MAPK8: variants seen among roughly 807,000 people sequenced by gnomAD.
MAPK8 encodes the protein mitogen-activated protein kinase 8.
Under a neutral mutation model 52.9 loss-of-function variants are expected in MAPK8, and 13 were observed. The ratio of observed to expected loss-of-function variants is 0.25; its 90% CI spans 0.16 to 0.39. The LOEUF is 0.39. MAPK8 is among the 10% of genes least tolerant of loss of function. MAPK8 has a pLI of 1.00. For missense variants in MAPK8, 300 were observed against 519.2 expected, an observed-to-expected ratio of 0.58 and a Z score of 4.10; for synonymous variants, 191 against 169.8, an observed-to-expected ratio of 1.12 and a Z score of -0.97.
chr10:48,368,580 G>A (rs1284861407), intron 1 of MAPK8, among the ~76,000 whole-genome samples: 1 of 152,190 alleles, frequency 6.6e-6, no homozygotes, highest in Non-Finnish European at 1.5e-5. Flanking sequence ...CTAGTTCTTG[G>A]TCCACAACCC....
At chr10:48,370,338 CTTAA>C (rs1848431021) in intron 1 of MAPK8, among the ~76,000 whole-genome samples, 1 of 151,800 alleles carries the variant, frequency 6.6e-6, no homozygotes, top group Non-Finnish European at 1.5e-5. Flanking sequence ...TTTTCACTAG[CTTAA>C]TTAGAGGTCT....
intron 1 of MAPK8, among the ~76,000 whole-genome samples, chr10:48,346,579 G>GTTTA (rs1305029956): frequency 6.6e-6 from 1 of 152,144 alleles, no homozygotes; most frequent in Non-Finnish European, 1.5e-5. Context: ...CCCCGGGGGA[G>GTTTA]TTTAGAGAAG....
chr10:48,356,189 G>A (rs1390793828), intron 1 of MAPK8, among the ~76,000 whole-genome samples: 4 of 152,062 alleles, frequency 2.6e-5, no homozygotes, highest in Non-Finnish European at 2.9e-5. Flanking sequence ...CATTTTCATA[G>A]GCTTTAAAGC....
chr10:48,311,512 C>T (rs890138630), intron 1 of MAPK8, among the ~76,000 whole-genome samples: 2 of 152,140 alleles, frequency 1.3e-5, no homozygotes, highest in Non-Finnish European at 2.9e-5. Flanking sequence ...CCTAAGCTTT[C>T]CTAGGTTTGT....
At chr10:48,329,465 A>G (rs143776514) in intron 1 of MAPK8, among the ~76,000 whole-genome samples, 4 of 152,214 alleles carry the variant, frequency 2.6e-5, no homozygotes, top group East Asian at 3.9e-4. Flanking sequence ...CCATGAGACA[A>G]CGTTATCTTG....
rs532551220 is a variant in MAPK8, at chr10:48,325,497, T to A, written c.-50+18676T>A. Among the ~76,000 whole-genome samples, 35 of 152,358 alleles carry A rather than the reference T, an allele frequency of 2.3e-4. No homozygotes were observed. The South Asian group carries it at 5.6e-3, about 24-fold the overall frequency. Reference sequence around the variant, plus strand: ...TTTGTTTTTTTCAGAAGTTTTATGATCATTTCAGTCATTCTTTTTAAAATA... The same window carrying A: ...TTTGTTTTTTTCAGAAGTTTTATGAACATTTCAGTCATTCTTTTTAAAATA... On this transcript the variant is annotated intron_variant, in intron 1 of 11. Transcript: ENST00000374189.
chr10:48,346,322 A>G (rs966406591), intron 1 of MAPK8, among the ~76,000 whole-genome samples: 2 of 152,374 alleles, frequency 1.3e-5, no homozygotes, highest in East Asian at 1.9e-4. Context: ...ATCATAGTCT[A>G]GGAAAAACCA....
At chr10:48,407,268 A>G (rs1264115735) in intron 3 of MAPK8, among the ~76,000 whole-genome samples, 2 of 152,226 alleles carry the variant, frequency 1.3e-5, no homozygotes, top group Non-Finnish European at 2.9e-5. Context: ...TATCACAGTT[A>G]TCCAGCTGTT....
chr10:48,308,055 A>G (rs562089083), intron 1 of MAPK8: 2 of 152,376 alleles, frequency 1.3e-5, no homozygotes, highest in African/African-American at 4.8e-5. Context: ...GTCTAAATAT[A>G]CAACAGCTTT....
chr10:48,401,190 C>T (rs2042141196), intron 1 of MAPK8, among the ~76,000 whole-genome samples: 1 of 152,138 alleles, frequency 6.6e-6, no homozygotes, highest in African/African-American at 2.4e-5. Context: ...GAGACTTAAC[C>T]ATTTTTGAAT....
chr10:48,388,267 C>A (rs1589152869), intron 1 of MAPK8, among the ~76,000 whole-genome samples: 1 of 152,156 alleles, frequency 6.6e-6, no homozygotes, highest in African/African-American at 2.4e-5. Context: ...CTTCTGAAAT[C>A]AGTTGGCTAA....
intron 1 of MAPK8, among the ~76,000 whole-genome samples, chr10:48,400,541 C>T (rs915802460): frequency 6.6e-6 from 1 of 152,232 alleles, no homozygotes; most frequent in Non-Finnish European, 1.5e-5. Context: ...TCAAGGCATT[C>T]TCATGCTCTC....
intron 1 of MAPK8, among the ~76,000 whole-genome samples, chr10:48,394,052 C>T (rs948605695): frequency 1.3e-5 from 2 of 151,708 alleles, no homozygotes; most frequent in Non-Finnish European, 3.0e-5. Flanking sequence ...GAGCAATTTC[C>T]TTGAAAAACA....
chr10:48,431,098 T>C (rs1242250827), intron 10 of MAPK8, 95 bp from the exon 11 acceptor site: 1 of 743,928 alleles, frequency 1.3e-6, no homozygotes, highest in Admixed American at 2.1e-5. Flanking sequence ...TTTGAAGTAC[T>C]TCACATGTAT....
At chr10:48,422,006 C>CTTACTTAT (rs1554834980) in intron 6 of MAPK8, among the ~76,000 whole-genome samples, 2 of 143,956 alleles carry the variant, frequency 1.4e-5, no homozygotes, top group East Asian at 4.1e-4. Context: ...TTTTATTTAT[C>CTTACTTAT]TTATTTATTT....
intron 5 of MAPK8, among the ~76,000 whole-genome samples, chr10:48,412,959 C>T (rs560539007): frequency 6.6e-5 from 10 of 152,086 alleles, no homozygotes; most frequent in Admixed American, 1.3e-4. Flanking sequence ...CTCCTCTCCC[C>T]GCAACCCCCG....
chr10:48,438,045 T>A lies in MAPK8; in HGVS notation c.*3016T>A, dbSNP rs2044998025. The A allele has an allele frequency of 6.6e-6, 1 of 152,272 alleles. No homozygotes were observed. Among genetic ancestry groups the A allele is most frequent in the African/African-American group, 2.4e-5 (1 of 41,474 alleles). The allele number at this position is 152,272 out of a possible 1,614,324, so 9.4% of individuals were successfully genotyped here. On this transcript the variant is annotated 3_prime_UTR_variant, in exon 12 of 12. Transcript: ENST00000374189. The stretch of plus-strand genomic sequence containing the variant: ...TCTGCTAAACATATGAAGACTTAAC[T>A]ATTCAGTGTTGCCTAGGCATTCGCC...
chr10:48,344,894 C>T (rs1279919809), intron 1 of MAPK8, among the ~76,000 whole-genome samples: 1 of 152,084 alleles, frequency 6.6e-6, no homozygotes, highest in Non-Finnish European at 1.5e-5. Context: ...CTGTCTTCCT[C>T]TTTGTCCACC....
At position 48,439,334 on chromosome 10, in the gene MAPK8, GAAAA is replaced by G. The variant is rs560909642; in HGVS notation, c.*4308_*4311del. The G allele has an allele frequency of 2.7e-4, 41 of 150,016 alleles. No individual in the cohort carries two copies. The highest frequency in any genetic ancestry group is 9.2e-4 in the African/African-American group (37 of 40,408). 9.3% of individuals were successfully genotyped at this position (150,016 alleles called of 1,614,324 possible). ...TGGTTATAATATTTTAAATAAAAAA[GAAAA>G]AAGTGGTATGAAAATTATGAAATTA... On this transcript the variant is annotated 3_prime_UTR_variant, in exon 12 of 12. Coordinates refer to ENST00000374189, the MANE Select transcript of MAPK8 (RefSeq NM_001323329.2).
Sources: allele counts gnomAD v4.1 joint callset (sites outside exome capture counted in the v4.1 genomes callset), GRCh38; gene constraint gnomAD v4.1.1; transcripts MANE v1.5; gene names NCBI Gene and HGNC (gene_info 2026-07-23, HGNC 2026-07-21).